Variants in NEDD4L observed in about 807,000 individuals in gnomAD.
NEDD4L encodes NEDD4 like E3 ubiquitin protein ligase.
Under a neutral mutation model 148.9 loss-of-function variants are expected in NEDD4L, and 54 were observed. The ratio of observed to expected loss-of-function variants is 0.36; its 90% confidence interval spans 0.29 to 0.45. NEDD4L has a LOEUF of 0.45. Among genes scored for constraint, NEDD4L ranks in the 20% least tolerant of loss-of-function variants. The pLI is 1.00. For missense variants in NEDD4L, 856 were observed against 1,233.8 expected (o/e 0.69, Z 4.59); for synonymous variants, 433 against 440.7 (o/e 0.98, Z 0.22).
intron 1 of NEDD4L, among the ~76,000 whole-genome samples, chr18:58,161,911 C>T (rs915242547): frequency 3.9e-5 from 6 of 152,054 alleles, no homozygotes; most frequent in African/African-American, 1.4e-4. Flanking sequence ...CATATGACTG[C>T]ACCTAACTAC....
Position 58,367,682 on chromosome 18 carries a change from A to G in NEDD4L, c.2064-64A>G, listed in dbSNP as rs1306974072. On this transcript the variant is annotated intron_variant, in intron 21 of 30. Coordinates refer to ENST00000400345, the MANE Select transcript of NEDD4L (RefSeq NM_001144967.3). ...GTAAAAGTTGAGTGACAGGTGGCAA[A>G]CAAATATGCAAAATCTTGCATTTGA... 1.9e-6 allele frequency: 3 copies of G among 1,594,174 alleles called. No individual in the cohort carries two copies. In the East Asian group the frequency reaches 6.7e-5, roughly 36 times the overall value.
intron 2 of NEDD4L, chr18:58,193,898 T>A (rs2040381752): frequency 6.6e-6 from 1 of 152,304 alleles, no homozygotes; most frequent in Non-Finnish European, 1.5e-5. Flanking sequence ...CTGCACTCGG[T>A]GGAGATGCCT....
At chr18:58,379,327 G>A (rs377072644) in intron 24 of NEDD4L, among the ~76,000 whole-genome samples, 37 of 152,214 alleles carry the variant, frequency 2.4e-4, no homozygotes, top group African/African-American at 8.9e-4. Flanking sequence ...TAGGAGATGC[G>A]CAGGGCAGAG....
intron 2 of NEDD4L, among the ~76,000 whole-genome samples, chr18:58,166,685 C>T (rs1388731021): frequency 6.6e-6 from 1 of 152,212 alleles, no homozygotes; most frequent in East Asian, 1.9e-4. Flanking sequence ...AGGAACACTC[C>T]TCCTGCCTCT....
In NEDD4L at chr18:58,153,881, C is replaced by A. The variant is rs116477605; in HGVS notation, c.49-11907C>A. Among the ~76,000 whole-genome samples the A allele has an allele frequency of 2.4e-3, 363 of 152,242 alleles. 3 individuals carry two copies. The highest frequency in any genetic ancestry group is 8.2e-3 in the African/African-American group (339 of 41,550). On this transcript the variant is annotated intron_variant, in intron 1 of 30. Coordinates refer to ENST00000400345, the MANE Select transcript of NEDD4L (RefSeq NM_001144967.3). ...GCCAGGATGGTCTCTATCTCCTGAC[C>A]TTGTGATCTGCCCTACTTGGCCTCC...
chr18:58,073,890 A>C (rs988780556), intron 1 of NEDD4L, among the ~76,000 whole-genome samples: 2 of 152,230 alleles, frequency 1.3e-5, no homozygotes, highest in African/African-American at 4.8e-5. Context: ...AACAATATAC[A>C]GTTAAGAGCG....
At chr18:58,370,220 C>T (rs371360661) in intron 22 of NEDD4L, among the ~76,000 whole-genome samples, 177 bp from the exon 23 acceptor site, 1 of 152,186 alleles carries the variant, frequency 6.6e-6, no homozygotes, top group South Asian at 2.1e-4. Flanking sequence ...AGCTGCCCTC[C>T]TCATGCCACT....
intron 1 of NEDD4L, among the ~76,000 whole-genome samples, chr18:58,072,102 C>T (rs1409316359): frequency 6.6e-6 from 1 of 152,030 alleles, no homozygotes; most frequent in Non-Finnish European, 1.5e-5. Context: ...CTGAATAGGC[C>T]AATAACAGGT....
At chr18:58,248,777 A>G (rs2148464400) in intron 3 of NEDD4L, 122 bp from the exon 4 acceptor site, 1 of 608,988 alleles carries the variant, frequency 1.6e-6, no homozygotes, top group East Asian at 3.0e-5. Flanking sequence ...ATAATCGACT[A>G]AATGCTTCTC....
chr18:58,185,971 C>G (rs2039424691), intron 2 of NEDD4L, among the ~76,000 whole-genome samples: 1 of 152,140 alleles, frequency 6.6e-6, no homozygotes, highest in African/African-American at 2.4e-5. Flanking sequence ...GTTCATGCAG[C>G]AGATACATAT....
At chr18:58,085,338 C>T (rs1269457028) in intron 1 of NEDD4L, among the ~76,000 whole-genome samples, 2 of 152,220 alleles carry the variant, frequency 1.3e-5, no homozygotes, top group South Asian at 4.1e-4. Context: ...GGGCCGTGTG[C>T]CAGGCAGCAG....
At chr18:58,167,185 T>G (rs2036956329) in intron 2 of NEDD4L, among the ~76,000 whole-genome samples, 1 of 152,234 alleles carries the variant, frequency 6.6e-6, no homozygotes, top group South Asian at 2.1e-4. Context: ...CATCAGCCTG[T>G]ACTGCTGGTA....
At chr18:58,110,265 C>T (rs763029344) in intron 1 of NEDD4L, among the ~76,000 whole-genome samples, 5 of 152,188 alleles carry the variant, frequency 3.3e-5, no homozygotes, top group Non-Finnish European at 7.3e-5. Flanking sequence ...GGGAGTCAAT[C>T]CACATGGGAT....
At chr18:58,271,481 A>G (rs2051036111) in intron 5 of NEDD4L, among the ~76,000 whole-genome samples, 1 of 152,170 alleles carries the variant, frequency 6.6e-6, no homozygotes, top group Non-Finnish European at 1.5e-5. Flanking sequence ...CTCTGAATGT[A>G]TTTCTCAAAA....
chr18:58,291,205 G>A (rs1817812043), intron 5 of NEDD4L, among the ~76,000 whole-genome samples: 3 of 151,598 alleles, frequency 2.0e-5, no homozygotes, highest in Admixed American at 2.0e-4. Flanking sequence ...GTCACACAGA[G>A]AACCAGGCCG....
chr18:58,391,839 A>C (rs1018759018), intron 30 of NEDD4L, among the ~76,000 whole-genome samples: 26 of 152,198 alleles, frequency 1.7e-4, no homozygotes, highest in African/African-American at 6.3e-4. Context: ...TGGAGCTTTC[A>C]CTGTTCAGCA....
intron 2 of NEDD4L, among the ~76,000 whole-genome samples, chr18:58,237,904 G>C (rs1422943606): frequency 6.6e-6 from 1 of 152,198 alleles, no homozygotes; most frequent in East Asian, 1.9e-4. Flanking sequence ...AGTTGGTCCT[G>C]GCTAGAGATT....
chr18:58,203,061 G>A (rs1357434365), intron 2 of NEDD4L, among the ~76,000 whole-genome samples: 1 of 151,946 alleles, frequency 6.6e-6, no homozygotes, highest in African/African-American at 2.4e-5. Flanking sequence ...TTGAGCTCCT[G>A]GACCCAAGTG....
intron 5 of NEDD4L, among the ~76,000 whole-genome samples, chr18:58,275,116 G>T (rs2051680160): frequency 6.6e-6 from 1 of 152,146 alleles, no homozygotes; most frequent in East Asian, 1.9e-4. Context: ...GTTGACAGAA[G>T]CCTTACTGAT....
Sources: allele counts gnomAD v4.1 joint callset (sites outside exome capture counted in the v4.1 genomes callset), GRCh38; gene constraint gnomAD v4.1.1; transcripts MANE v1.5; gene names NCBI Gene and HGNC (gene_info 2026-07-23, HGNC 2026-07-21).